Variants in ADCY8 observed in about 807,000 individuals in gnomAD.
The protein encoded by ADCY8 is adenylate cyclase 8, also known as adenylate cyclase type 8.
Under a neutral mutation model 119.7 loss-of-function variants are expected in ADCY8, and 51 were observed. That is an observed-to-expected ratio of 0.43 (90% CI 0.34 to 0.54). ADCY8 has a LOEUF of 0.54. Among genes scored for constraint, ADCY8 ranks in the 20% least tolerant of loss-of-function variants. ADCY8 has a pLI of 0.03. For missense variants in ADCY8, 1,383 were observed against 1,598.8 expected (o/e 0.87, Z 2.30); for synonymous variants, 665 against 651.0 (o/e 1.02, Z -0.33).
chr8:130,930,004 C>T (rs1362315583), intron 5 of ADCY8, among the ~76,000 whole-genome samples: 1 of 152,160 alleles, frequency 6.6e-6, no homozygotes, highest in Admixed American at 6.6e-5. Context: ...CTATCCTTCA[C>T]TTTCAATCTA....
intron 6 of ADCY8, among the ~76,000 whole-genome samples, chr8:130,907,762 A>C (rs919111694): frequency 6.6e-6 from 1 of 152,130 alleles, no homozygotes; most frequent in African/African-American, 2.4e-5. Context: ...CTTTTATTTT[A>C]GAATCAGGTG....
Position 130,780,641 on chromosome 8 carries a change from A to G in ADCY8, c.3505T>C (p.Phe1169Leu). ...TTGGGTTGGACTCTTCCCAGAAGAA[A>G]GTACGTTTTGATTTTTCCTTCCTGT... Reference protein sequence around the residue: ...SEQEGKIKTYFLLGRVQPNPF... With the variant: ...SEQEGKIKTYLLLGRVQPNPF... The change falls in exon 18 of 18, where the codon TTT becomes CTT. Residue 1169 changes from phenylalanine to leucine, a missense_variant. This residue lies in a region of ADCY8 where 928 missense variants were observed against 1,163.5 expected (regional missense o/e 0.80). Coordinates refer to ENST00000286355, the MANE Select transcript of ADCY8 (RefSeq NM_001115.3). 6.2e-7 allele frequency: 1 copy of G among 1,614,162 alleles called. No homozygotes were observed. The highest frequency in any genetic ancestry group is 8.5e-7 in the Non-Finnish European group (1 of 1,180,020).
At chr8:130,904,764 T>G (rs1037489617) in intron 6 of ADCY8, among the ~76,000 whole-genome samples, 4 of 152,362 alleles carry the variant, frequency 2.6e-5, no homozygotes, top group Non-Finnish European at 4.4e-5. Flanking sequence ...CAGGCTTCTT[T>G]TTTAGCAAAA....
At position 131,021,732 on chromosome 8, in the gene ADCY8, T is replaced by G. The variant is rs113134677; in HGVS notation, c.960+17642A>C. Among the ~76,000 whole-genome samples the G allele has an allele frequency of 7.8e-3, 1,193 of 152,254 alleles. 16 individuals are homozygous for G. The highest frequency in any genetic ancestry group is 0.017 in the South Asian group (80 of 4,830). On this transcript the variant is annotated intron_variant, in intron 1 of 17. Transcript: ENST00000286355. ...TTGGCACTTCTCCTTGCTGCTGCCATGTGAAGAAGGACATGTTTGCTTCCC... is the reference window on the plus strand; with the variant it reads ...TTGGCACTTCTCCTTGCTGCTGCCAGGTGAAGAAGGACATGTTTGCTTCCC...
chr8:130,880,571 TG>T (rs1818731683), intron 8 of ADCY8, among the ~76,000 whole-genome samples: 1 of 152,188 alleles, frequency 6.6e-6, no homozygotes, highest in African/African-American at 2.4e-5. Flanking sequence ...ATGATTCATC[TG>T]GGAAATGTGG....
chr8:130,897,153 C>G (rs1262910026), intron 7 of ADCY8, among the ~76,000 whole-genome samples: 1 of 151,996 alleles, frequency 6.6e-6, no homozygotes, highest in Non-Finnish European at 1.5e-5. Context: ...ACTCAAAGAT[C>G]ACAAGACTCA....
chr8:131,002,321 AG>A (rs1563763122), intron 1 of ADCY8, among the ~76,000 whole-genome samples: 2 of 152,266 alleles, frequency 1.3e-5, no homozygotes, highest in Non-Finnish European at 2.9e-5. Context: ...GGGATTTAAC[AG>A]GTAAGTGACT....
intron 7 of ADCY8, among the ~76,000 whole-genome samples, chr8:130,894,076 G>A (rs2035330549): frequency 6.6e-6 from 1 of 152,090 alleles, no homozygotes; most frequent in Non-Finnish European, 1.5e-5. Context: ...CTCAGTATGA[G>A]TTTTTTCAGA....
intron 9 of ADCY8, 132 bp from the exon 10 acceptor site, chr8:130,849,935 GGTTATTA>G: frequency 1.1e-6 from 1 of 905,266 alleles, no homozygotes; most frequent in South Asian, 1.7e-5. Context: ...CCAAGAAAAA[GGTTATTA>G]GCAGGAGAGA....
chr8:130,953,926 T>C (rs1179652859), intron 2 of ADCY8, among the ~76,000 whole-genome samples: 1 of 152,220 alleles, frequency 6.6e-6, no homozygotes, highest in Admixed American at 6.5e-5. Flanking sequence ...CATGTCCATT[T>C]TGTGTTCATT....
intron 10 of ADCY8, among the ~76,000 whole-genome samples, chr8:130,848,287 G>C (rs1276992689): frequency 6.6e-6 from 1 of 151,940 alleles, no homozygotes; most frequent in African/African-American, 2.4e-5. Flanking sequence ...ACAGTCATTG[G>C]GCTTACTTAC....
chr8:130,877,536 C>G (rs978689009), intron 8 of ADCY8, among the ~76,000 whole-genome samples: 2 of 152,174 alleles, frequency 1.3e-5, no homozygotes, highest in African/African-American at 2.4e-5. Context: ...CAAGGAATCA[C>G]AAGAAGTGTG....
At chr8:130,864,642 A>G (rs921596319) in intron 9 of ADCY8, among the ~76,000 whole-genome samples, 3 of 152,062 alleles carry the variant, frequency 2.0e-5, no homozygotes, top group African/African-American at 7.2e-5. Flanking sequence ...TGAGCCTACT[A>G]TTGAGCCCAT....
At chr8:130,838,586 CACA>C (rs1311700389) in intron 11 of ADCY8, among the ~76,000 whole-genome samples, 1 of 100,022 alleles carries the variant, frequency 1.0e-5, no homozygotes, top group African/African-American at 2.7e-5. Context: ...TTGCCTGTAT[CACA>C]ACAAGGGGCG....
intron 7 of ADCY8, among the ~76,000 whole-genome samples, chr8:130,893,862 A>C (rs1480653412): frequency 2.1e-5 from 3 of 146,140 alleles, no homozygotes; most frequent in Admixed American, 2.0e-4. Flanking sequence ...TGGGGTGTGC[A>C]TGTTTATGTG....
intron 1 of ADCY8, among the ~76,000 whole-genome samples, chr8:131,030,875 G>A (rs1586670306): frequency 6.6e-6 from 1 of 152,106 alleles, no homozygotes; most frequent in East Asian, 1.9e-4. Flanking sequence ...GGTCTTATTG[G>A]GCAGAGATCC....
intron 11 of ADCY8, among the ~76,000 whole-genome samples, chr8:130,838,550 T>G (rs950733532): frequency 1.0e-5 from 1 of 96,322 alleles, no homozygotes; most frequent in African/African-American, 2.7e-5. Context: ...GAAAGAGGAC[T>G]AGATCTGAGG....
intron 1 of ADCY8, among the ~76,000 whole-genome samples, chr8:131,013,318 T>A (rs950579025): frequency 6.6e-6 from 1 of 152,004 alleles, no homozygotes; most frequent in African/African-American, 2.4e-5. Flanking sequence ...AGGCAACAAT[T>A]ATTCTGGGCA....
intron 13 of ADCY8, 63 bp from the exon 14 acceptor site, chr8:130,814,290 C>T: frequency 1.9e-6 from 3 of 1,563,506 alleles, no homozygotes; most frequent in South Asian, 1.1e-5. Context: ...GCTTCAGGCA[C>T]AGACAACTGG....
Sources: allele counts gnomAD v4.1 joint callset (sites outside exome capture counted in the v4.1 genomes callset), GRCh38; gene constraint gnomAD v4.1.1; regional missense constraint gnomAD v4.1.1; transcripts MANE v1.5; gene names NCBI Gene and HGNC (gene_info 2026-07-23, HGNC 2026-07-21).